KIF21B: variants seen among roughly 807,000 people sequenced by gnomAD.
KIF21B encodes kinesin family member 21B, also known as kinesin-like protein KIF21B.
KIF21B carries 85 observed loss-of-function variants against 192.9 expected under a neutral mutation model. The ratio of observed to expected loss-of-function variants is 0.44; its 90% confidence interval spans 0.37 to 0.53. The LOEUF is 0.53. Among genes scored for constraint, KIF21B ranks in the 20% least tolerant of loss-of-function variants. The probability of loss-of-function intolerance (pLI) is 0.00; values close to 1 mark genes in which losing one functional copy is unlikely to be tolerated. For missense variants in KIF21B, 1,716 were observed against 2,194.8 expected (o/e 0.78, Z 4.36); for synonymous variants, 832 against 884.6 (o/e 0.94, Z 1.05).
At chr1:201,009,163 C>T (rs1456461597) in intron 2 of KIF21B, 103 bp downstream of exon 2, 1 of 1,256,174 alleles carries the variant, frequency 8.0e-7, no homozygotes, top group African/African-American at 1.5e-5. Flanking sequence ...TAGACAAAAC[C>T]CTGAGGCTAT....
At position 200,974,747 on chromosome 1, in the gene KIF21B, C is replaced by T; in HGVS notation, c.4781G>A (p.Cys1594Tyr). 1 of 1,614,236 alleles carries T rather than the reference C, an allele frequency of 6.2e-7. No homozygotes were observed. The highest frequency in any genetic ancestry group is 8.5e-7 in the Non-Finnish European group (1 of 1,180,034). ...TGTGAAGATATGCTTGGCATTGGTGCAGATGGCATTGATGGGACTGTCGTG... is the reference window on the plus strand; with the variant it reads ...TGTGAAGATATGCTTGGCATTGGTGTAGATGGCATTGATGGGACTGTCGTG... ...KGHDSPINAI[C>Y]TNAKHIFTAS... is the part of the protein sequence containing the mutation. The change falls in exon 34 of 35, where the codon TGC becomes TAC. Residue 1594 changes from cysteine to tyrosine, a missense_variant. Transcript: ENST00000461742.
chr1:200,990,485 G>A lies in KIF21B; in HGVS notation c.2835+91C>T. 1 of 1,517,908 alleles carries A rather than the reference G, an allele frequency of 6.6e-7. No individual in the cohort carries two copies. The allele number at this position is 1,517,908 out of a possible 1,614,324, so 94.0% of individuals were successfully genotyped here. Reference sequence around the variant, plus strand: ...GGCAAAAGGAGCAGAGGGAAGTGGGGCAGGGAAAGGTCTGAAGAGCCAGAG... The same window carrying A: ...GGCAAAAGGAGCAGAGGGAAGTGGGACAGGGAAAGGTCTGAAGAGCCAGAG... On this transcript the variant is annotated intron_variant, in intron 19 of 34. Coordinates refer to ENST00000461742, the MANE Select transcript of KIF21B (RefSeq NM_001252102.2). The surrounding 1 kb of genome is among the most constrained non-coding windows in gnomAD (Gnocchi z 5.4).
intron 34 of KIF21B, chr1:200,974,186 C>T (rs763238254): frequency 7.1e-6 from 11 of 1,553,458 alleles, no homozygotes; most frequent in African/African-American, 1.4e-5. Flanking sequence ...CAACTTTACC[C>T]GGCAGTCACT....
intron 30 of KIF21B, among the ~76,000 whole-genome samples, chr1:200,977,779 G>A (rs1433161425): frequency 2.7e-5 from 4 of 150,528 alleles, no homozygotes; most frequent in African/African-American, 9.8e-5. Context: ...TTGTTGCCCA[G>A]GCTGGAGCGC....
At chr1:200,987,223 G>A (rs1656367161) in intron 24 of KIF21B, 22 bp from the exon 25 acceptor site, 1 of 1,592,944 alleles carries the variant, frequency 6.3e-7, no homozygotes. Context: ...AGAACAGGGT[G>A]GATCAACTTG....
At position 200,972,044 on chromosome 1, in the gene KIF21B, G is replaced by A. The variant is rs1655239359; in HGVS notation, c.*1477C>T. The A allele has an allele frequency of 6.6e-6, 1 of 151,680 alleles. No individual in the cohort carries two copies. Among genetic ancestry groups the A allele is most frequent in the African/African-American group, 2.4e-5 (1 of 41,212 alleles). 9.4% of individuals were successfully genotyped at this position (151,680 alleles called of 1,614,324 possible). On this transcript the variant is annotated 3_prime_UTR_variant, in exon 35 of 35. Transcript: ENST00000461742. ...CAGCGATGCAACGGAAAAACAGGGT[G>A]GGCAACTTTGGGTGGGGGTGGGGCG...
At position 201,023,360 on chromosome 1, in the gene KIF21B, G is replaced by A; in HGVS notation, c.24C>T (p.Cys8=). ...GTCCCTACCTGACGGCCACCTTGAC[G>A]CAGCAGTCCCCCTGGCCGGCCATGG... MAGQGDC[C]VKVAVRIRPQ... Residue 8 remains cysteine, a synonymous_variant, in exon 1 of 35, where the codon TGC becomes TGT. Coordinates refer to ENST00000461742, the MANE Select transcript of KIF21B (RefSeq NM_001252102.2). The surrounding 1 kb of genome is among the most constrained non-coding windows in gnomAD (Gnocchi z 5.9). 6.5e-7 allele frequency: 1 copy of A among 1,529,984 alleles called. No homozygotes were observed. The highest frequency in any genetic ancestry group is 8.8e-7 in the Non-Finnish European group (1 of 1,140,900). 94.8% of individuals were successfully genotyped at this position (1,529,984 alleles called of 1,614,324 possible).
At chr1:200,989,797 T>C in intron 21 of KIF21B, 145 bp downstream of exon 21, 1 of 624,188 alleles carries the variant, frequency 1.6e-6, no homozygotes, top group East Asian at 2.7e-5. Flanking sequence ...AGCTGTGGCA[T>C]GGGAGGTGCA....
chr1:201,008,848 C>A lies in KIF21B; in HGVS notation c.368G>T (p.Gly123Val). 6.2e-7 allele frequency: 1 copy of A among 1,610,038 alleles called. No individual in the cohort carries two copies. The highest frequency in any genetic ancestry group is 8.5e-7 in the Non-Finnish European group (1 of 1,179,974). ...IPRAIAHLFG[G>V]IAERKRRAQE... Reference sequence around the variant, plus strand: ...TGCCCGGCGCTTGCGCTCGGCAATGCCCCCAAAGAGGTGTGCGATGGCCCT... The same window carrying A: ...TGCCCGGCGCTTGCGCTCGGCAATGACCCCAAAGAGGTGTGCGATGGCCCT... Residue 123 changes from glycine to valine, a missense_variant, in exon 3 of 35, where the codon GGC (glycine) becomes GTC (valine). By Grantham distance (109) the Gly-to-Val change is moderately radical (BLOSUM62 -3). Around this residue, in one of 3 missense-constraint regions of KIF21B, gnomAD observed 1,087 missense variants for 1,316.6 expected, o/e 0.83. Coordinates refer to ENST00000461742, the MANE Select transcript of KIF21B (RefSeq NM_001252102.2).
At chr1:200,977,442 TA>T (rs1655633072) in intron 30 of KIF21B, 66 bp from the exon 31 acceptor site, 2 of 1,552,538 alleles carry the variant, frequency 1.3e-6, no homozygotes, top group Non-Finnish European at 1.8e-6. Context: ...AGGAAACCAA[TA>T]AAACGTCACT....
Position 200,986,444 on chromosome 1 carries a change from G to A in KIF21B, c.3689+400C>T, listed in dbSNP as rs139163375. On this transcript the variant is annotated intron_variant, in intron 26 of 34. Transcript: ENST00000461742. The stretch of plus-strand genomic sequence containing the variant: ...ACGATCTCAGCTCACTGCAATCTCT[G>A]CCTCCCAGGTTCGAACCATTCTAAT... Among the ~76,000 whole-genome samples, 5 of 148,652 alleles carry A rather than the reference G, an allele frequency of 3.4e-5. No homozygotes were observed. In the East Asian group the frequency reaches 1.0e-3, roughly 30 times the overall value.
At chr1:200,996,105 G>T in intron 15 of KIF21B, 91 bp downstream of exon 15, 1 of 1,278,114 alleles carries the variant, frequency 7.8e-7, no homozygotes, top group Non-Finnish European at 1.1e-6. Context: ...ATCCACACTT[G>T]ACAGCAATGA....
rs567105146 is a variant in KIF21B, at chr1:200,977,757, G to A, written c.4161-381C>T. On this transcript the variant is annotated intron_variant, in intron 30 of 34. Transcript: ENST00000461742. Reference sequence around the variant, plus strand: ...ACTATTTTTTTTTTTTTTTCTGAATGGAGTTTCGCTCTTGTTGCCCAGGCT... The same window carrying A: ...ACTATTTTTTTTTTTTTTTCTGAATAGAGTTTCGCTCTTGTTGCCCAGGCT... 7.5e-5 allele frequency among the ~76,000 whole-genome samples: 11 copies of A among 146,716 alleles called. 1 individual carries two copies. The South Asian group carries it at 2.3e-3, about 31-fold the overall frequency.
At position 200,990,287 on chromosome 1, in the gene KIF21B, G is replaced by A. The variant is rs763592461; in HGVS notation, c.2881C>T (p.Arg961Trp). The A allele has an allele frequency of 3.8e-5, 62 of 1,613,204 alleles. 1 individual carries two copies. The highest frequency in any genetic ancestry group is 6.7e-5 in the East Asian group (3 of 44,882). The change falls in exon 20 of 35, where the codon CGG becomes TGG. Residue 961 changes from arginine to tryptophan, a missense_variant. Around this residue, in one of 3 missense-constraint regions of KIF21B, gnomAD observed 1,087 missense variants for 1,316.6 expected, o/e 0.83. Transcript: ENST00000461742. The surrounding 1 kb of genome is among the most constrained non-coding windows in gnomAD (Gnocchi z 5.4). ...FLLQEALRRK[R>W]ERLQAESPEE... Reference sequence around the variant, plus strand: ...GGGCTCTCAGCCTGCAGCCGCTCCCGCTTCCTCCGCAGTGCCTCCTGCAGG... The same window carrying A: ...GGGCTCTCAGCCTGCAGCCGCTCCCACTTCCTCCGCAGTGCCTCCTGCAGG...
Position 200,979,639 on chromosome 1 carries a change from G to A in KIF21B, c.4056C>T (p.Val1352=). The change falls in exon 30 of 35, where the codon GTC becomes GTT. Residue 1352 remains valine, a synonymous_variant. Coordinates refer to ENST00000461742, the MANE Select transcript of KIF21B (RefSeq NM_001252102.2). ...AALKGHPNNV[V]SIKYCSHSGL... ...CCGAGTGGCTGCAGTACTTGATGGA[G>A]ACCACGTTGTTGGGGTGGCCCTTTA... is the stretch of plus-strand genomic sequence containing the variant. 6.3e-7 allele frequency: 1 copy of A among 1,587,520 alleles called. No individual in the cohort carries two copies. The highest frequency in any genetic ancestry group is 8.6e-7 in the Non-Finnish European group (1 of 1,167,306).
chr1:201,000,880 G>A lies in KIF21B; in HGVS notation c.1403-100C>T. 1.6e-6 allele frequency: 2 copies of A among 1,213,400 alleles called. No homozygotes were observed. Among genetic ancestry groups the A allele is most frequent in the Non-Finnish European group, 2.4e-6 (2 of 825,154 alleles). The allele number at this position is 1,213,400 out of a possible 1,614,324, so 75.2% of individuals were successfully genotyped here. On this transcript the variant is annotated intron_variant, in intron 9 of 34. Coordinates refer to ENST00000461742, the MANE Select transcript of KIF21B (RefSeq NM_001252102.2). This position sits in a 1 kb window ranked among gnomAD's most constrained non-coding sequence, Gnocchi z 6.0. Reference sequence around the variant, plus strand: ...TCCAGCACTTTGGGAGGCCAAGGCGGGCGGATCACCTGAGGCTGGGAGTTC... The same window carrying A: ...TCCAGCACTTTGGGAGGCCAAGGCGAGCGGATCACCTGAGGCTGGGAGTTC...
intron 32 of KIF21B, among the ~76,000 whole-genome samples, chr1:200,976,384 G>A (rs951834713): frequency 2.2e-4 from 33 of 152,258 alleles, no homozygotes; most frequent in African/African-American, 7.2e-4. Context: ...CAGCCACCAC[G>A]CCTGGCCTGC....
chr1:200,983,099 G>A lies in KIF21B; in HGVS notation c.3804-5C>T. 1 of 1,536,034 alleles carries A rather than the reference G, an allele frequency of 6.5e-7. No homozygotes were observed. The highest frequency in any genetic ancestry group is 8.7e-7 in the Non-Finnish European group (1 of 1,146,806). ...GAGGAGTCGCTGTCATCAGACCTGG[G>A]GAGGGCAGAAAATTAGCTGGATTAG... On this transcript the variant is annotated splice_polypyrimidine_tract_variant and splice_region_variant and intron_variant, in intron 27 of 34. Transcript: ENST00000461742.
chr1:200,974,422 G>C (rs296566), intron 34 of KIF21B, among the ~76,000 whole-genome samples: 20,316 of 152,042 alleles, frequency 0.13, 1,613 homozygotes, highest in Middle Eastern at 0.18. Flanking sequence ...ATACCTGCAC[G>C]GGGGAAGACA....
Sources: allele counts gnomAD v4.1 joint callset (sites outside exome capture counted in the v4.1 genomes callset), GRCh38; gene constraint gnomAD v4.1.1; regional missense constraint gnomAD v4.1.1; non-coding constraint Gnocchi (gnomAD v3.1); transcripts MANE v1.5; gene names NCBI Gene and HGNC (gene_info 2026-07-23, HGNC 2026-07-21).